PLB1: variants seen among roughly 807,000 people sequenced by gnomAD.
PLB1 encodes the protein phospholipase B1, membrane-associated.
A neutral mutation model predicts 227.4 loss-of-function variants in PLB1; 242 were observed. The observed-to-expected ratio is 1.06, with a 90% CI of 0.96 to 1.18. The LOEUF (loss-of-function observed/expected upper bound fraction) is 1.18, where lower values mean the gene tolerates loss of function less well. Ranked by LOEUF, PLB1 falls within the 50% of genes most tolerant of loss-of-function variation. PLB1 has a pLI of 0.00. For synonymous variants in PLB1, 757 were observed against 682.2 expected (o/e 1.11, Z -1.71); for missense variants, 1,858 against 1,816.3 (o/e 1.02, Z -0.42).
intron 20 of PLB1, among the ~76,000 whole-genome samples, chr2:28,571,645 T>C (rs1348906620): frequency 6.6e-6 from 1 of 152,190 alleles, no homozygotes; most frequent in African/African-American, 2.4e-5. Context: ...AACTCTCATA[T>C]TCATGGTTAA....
intron 13 of PLB1, among the ~76,000 whole-genome samples, 196 bp from the exon 14 acceptor site, chr2:28,543,016 C>T (rs1672723322): frequency 6.6e-6 from 1 of 152,164 alleles, no homozygotes; most frequent in Non-Finnish European, 1.5e-5. Flanking sequence ...CCTGCTCCTG[C>T]AGGCCCTGAC....
intron 3 of PLB1, among the ~76,000 whole-genome samples, 190 bp from the exon 4 acceptor site, chr2:28,519,515 T>C (rs1372141317): frequency 1.3e-5 from 2 of 152,206 alleles, no homozygotes; most frequent in African/African-American, 4.8e-5. Context: ...GCGGGTGTCT[T>C]TCTGGCAGGA....
intron 56 of PLB1, among the ~76,000 whole-genome samples, chr2:28,638,437 T>TA (rs140899977): frequency 1.2e-3 from 183 of 152,214 alleles, no homozygotes; most frequent in African/African-American, 4.3e-3. Flanking sequence ...TAGATGCTTC[T>TA]AAGCAGTAGA....
rs547247697 is a variant in PLB1 at position 28,639,083 on chromosome 2, C to T, written c.4099-1844C>T. 1.6e-3 allele frequency among the ~76,000 whole-genome samples: 235 copies of T among 146,024 alleles called. No homozygotes were observed. The Middle Eastern group carries it at 0.022, about 13-fold the overall frequency. ...ATTCCATCTAAAAAAAAAAAAAAAGCCACTACAGGATCAACTAAGAGCTCC... is the reference window on the plus strand; with the variant it reads ...ATTCCATCTAAAAAAAAAAAAAAAGTCACTACAGGATCAACTAAGAGCTCC... On this transcript the variant is annotated intron_variant, in intron 56 of 57. Transcript: ENST00000327757.
intron 17 of PLB1, among the ~76,000 whole-genome samples, chr2:28,556,310 G>A (rs746440065): frequency 6.6e-6 from 1 of 152,148 alleles, no homozygotes; most frequent in Non-Finnish European, 1.5e-5. Flanking sequence ...CTGGCAACTT[G>A]GGTGCCTCAT....
intron 44 of PLB1, among the ~76,000 whole-genome samples, chr2:28,614,349 C>A (rs1162605222): frequency 6.6e-6 from 1 of 152,186 alleles, no homozygotes; most frequent in African/African-American, 2.4e-5. Context: ...TTGACCTTGG[C>A]AATCCTGGGC....
At chr2:28,639,955 C>T (rs1226747851) in intron 56 of PLB1, among the ~76,000 whole-genome samples, 2 of 152,180 alleles carry the variant, frequency 1.3e-5, no homozygotes, top group African/African-American at 4.8e-5. Flanking sequence ...GCCTGGATCC[C>T]AGCCATCTGC....
At chr2:28,590,888 G>A (rs528264045) in intron 29 of PLB1, among the ~76,000 whole-genome samples, 2 of 152,288 alleles carry the variant, frequency 1.3e-5, no homozygotes, top group South Asian at 2.1e-4. Flanking sequence ...CCAGCCACGC[G>A]GGAGGTGGAA....
chr2:28,567,320 T>C (rs978533139), intron 20 of PLB1, among the ~76,000 whole-genome samples: 4 of 152,086 alleles, frequency 2.6e-5, no homozygotes, highest in Non-Finnish European at 5.9e-5. Context: ...CGCACAGATA[T>C]TGAATTGCGG....
At chr2:28,532,242 G>A in intron 9 of PLB1, 48 bp downstream of exon 9, 1 of 1,509,148 alleles carries the variant, frequency 6.6e-7, no homozygotes, top group South Asian at 1.2e-5. Flanking sequence ...CTGGGGTGGA[G>A]AGGGAGTGAA....
intron 6 of PLB1, 40 bp from the exon 7 acceptor site, chr2:28,529,277 G>C (rs1234336624): frequency 7.0e-7 from 1 of 1,425,084 alleles, no homozygotes; most frequent in Non-Finnish European, 9.9e-7. Context: ...GTGGCCTTCA[G>C]CTGGTGAAGG....
intron 50 of PLB1, 36 bp from the exon 51 acceptor site, chr2:28,626,392 A>C (rs1573530194): frequency 6.3e-7 from 1 of 1,587,708 alleles, no homozygotes. Flanking sequence ...TGTGCCTCCC[A>C]CCAAGGCCTA....
At chr2:28,624,402 A>G (rs1289878873) in intron 49 of PLB1, among the ~76,000 whole-genome samples, 4 of 120,814 alleles carry the variant, frequency 3.3e-5, no homozygotes, top group African/African-American at 1.2e-4. Context: ...GTCCCTTTTT[A>G]TGGCTGAGTA....
At chr2:28,506,503 CA>C (rs1215943824) in intron 1 of PLB1, among the ~76,000 whole-genome samples, 2 of 152,066 alleles carry the variant, frequency 1.3e-5, no homozygotes, top group African/African-American at 4.8e-5. Context: ...AACCCCGGTG[CA>C]AGGAGAGAGG....
At chr2:28,500,779 C>G (rs1340948317) in intron 1 of PLB1, among the ~76,000 whole-genome samples, 1 of 152,138 alleles carries the variant, frequency 6.6e-6, no homozygotes, top group Non-Finnish European at 1.5e-5. Flanking sequence ...AAGAAATTCA[C>G]TTATGGACTC....
At chr2:28,632,265 G>T in intron 55 of PLB1, 125 bp downstream of exon 55, 1 of 780,960 alleles carries the variant, frequency 1.3e-6, no homozygotes, top group East Asian at 2.7e-5. Flanking sequence ...ATTCCTGAGG[G>T]TGGCTTTTTC....
intron 43 of PLB1, among the ~76,000 whole-genome samples, chr2:28,606,834 G>C (rs550229614): frequency 6.6e-6 from 1 of 152,170 alleles, no homozygotes; most frequent in African/African-American, 2.4e-5. Context: ...GGTGAGAAAA[G>C]TGGGCTCCTG....
chr2:28,566,590 G>A (rs549651888), intron 19 of PLB1: 7 of 544,996 alleles, frequency 1.3e-5, no homozygotes, highest in Non-Finnish European at 2.3e-5. Context: ...TAAAGCTGGC[G>A]TTTTGTTTGG....
intron 9 of PLB1, among the ~76,000 whole-genome samples, chr2:28,535,506 C>G (rs2148199539): frequency 6.6e-6 from 1 of 152,360 alleles, no homozygotes; most frequent in South Asian, 2.1e-4. Context: ...CCACACCTCC[C>G]CGTTTAAGCT....
Sources: gnomAD v4.1 joint callset for allele counts (sites outside exome capture counted in the v4.1 genomes callset) on GRCh38, gnomAD v4.1.1 for gene constraint, MANE v1.5 for transcripts, NCBI Gene and HGNC (gene_info 2026-07-23, HGNC 2026-07-21) for gene names.